The following ENTPD7 variants were observed in gnomAD, a reference collection of about 807,000 sequenced individuals.
The protein encoded by ENTPD7 is NTPDase 7.
ENTPD7 carries 53 observed loss-of-function variants against 77.9 expected under a neutral mutation model. The ratio of observed to expected loss-of-function variants is 0.68; its 90% CI spans 0.55 to 0.85. ENTPD7 has a LOEUF of 0.85. ENTPD7 is among the 40% of genes least tolerant of loss of function. The pLI is 0.00. For synonymous variants in ENTPD7, 248 were observed against 274.9 expected (o/e 0.90, Z 0.97); for missense variants, 636 against 743.7 (o/e 0.86, Z 1.68).
intron 11 of ENTPD7, 24 bp downstream of exon 11, chr10:99,701,082 T>G (rs1385073965): frequency 1.9e-6 from 3 of 1,579,834 alleles, no homozygotes; most frequent in Non-Finnish European, 2.6e-6. Context: ...CTTTCCTCCT[T>G]AGATGTGGAC....
At chr10:99,674,007 A>G (rs897419137) in intron 3 of ENTPD7, among the ~76,000 whole-genome samples, 3 of 124,494 alleles carry the variant, frequency 2.4e-5, no homozygotes, top group Non-Finnish European at 5.4e-5. Flanking sequence ...ATACTGAAAT[A>G]TAAACAGGGA....
At chr10:99,701,390 C>T (rs527929683) in intron 11 of ENTPD7, among the ~76,000 whole-genome samples, 1 of 151,646 alleles carries the variant, frequency 6.6e-6, no homozygotes, top group African/African-American at 2.4e-5. Context: ...TGGGTTCCAG[C>T]GATTCTCCTG....
chr10:99,699,600 T>A (rs2036065469), intron 10 of ENTPD7, among the ~76,000 whole-genome samples: 1 of 152,220 alleles, frequency 6.6e-6, no homozygotes, highest in African/African-American at 2.4e-5. Context: ...GGTCTCGCTC[T>A]GTAGCCCAGG....
At position 99,704,594 on chromosome 10, in the gene ENTPD7, C is replaced by G. The variant is rs1165308056; in HGVS notation, c.1726C>G (p.His576Asp). ...FLYLLRLRRIHHRQTRASAPL... is the reference protein window; with the variant it reads ...FLYLLRLRRIDHRQTRASAPL... ...ATACCTTCTGCGGCTACGCCGAATT[C>G]ACCACCGACAAACACGAGCCTCAGC... The change falls in exon 13 of 13, where the codon CAC becomes GAC. Residue 576 changes from histidine to aspartate, a missense_variant. By Grantham distance (81) the His-to-Asp change is moderately conservative. Coordinates refer to ENST00000370489, the MANE Select transcript of ENTPD7 (RefSeq NM_020354.5). 6.2e-7 allele frequency: 1 copy of G among 1,614,184 alleles called. No individual in the cohort carries two copies. Among genetic ancestry groups the G allele is most frequent in the Admixed American group, 1.7e-5 (1 of 60,028 alleles).
chr10:99,698,523 C>T lies in ENTPD7; in HGVS notation c.1011-11C>T. ...TGTTTGTTTGTTTGTTTGTTTTTGT[C>T]ATTGTGGCAGATTGCTTGGTCAGAA... On this transcript the variant is annotated splice_polypyrimidine_tract_variant and intron_variant, in intron 9 of 12. Transcript: ENST00000370489. 4 of 1,605,936 alleles carry T rather than the reference C, an allele frequency of 2.5e-6. No homozygotes were observed. The highest frequency in any genetic ancestry group is 3.4e-6 in the Non-Finnish European group (4 of 1,175,202).
chr10:99,700,723 T>A lies in ENTPD7; in HGVS notation c.1336-250T>A, dbSNP rs566971878. The stretch of plus-strand genomic sequence containing the variant: ...GTCTTTTGACGTTGCTATTTGTTAG[T>A]CCTAACCTCAGCCCCTCTGAAGCCT... On this transcript the variant is annotated intron_variant, in intron 10 of 12. Coordinates refer to ENST00000370489, the MANE Select transcript of ENTPD7 (RefSeq NM_020354.5). 7.7e-5 allele frequency: 41 copies of A among 531,556 alleles called. No individual in the cohort carries two copies. The East Asian group carries it at 1.0e-3, about 13-fold the overall frequency. The allele number at this position is 531,556 out of a possible 1,614,324, so 32.9% of individuals were successfully genotyped here. A position where few individuals can be genotyped will look rare whatever the true frequency, so the allele number is the denominator to read the frequency against.
intron 6 of ENTPD7, 44 bp from the exon 7 acceptor site, chr10:99,688,650 T>C (rs1212008816): frequency 6.3e-7 from 1 of 1,596,568 alleles, no homozygotes; most frequent in Admixed American, 1.7e-5. Context: ...ATACATGGCA[T>C]AGCAGTAGAG....
intron 7 of ENTPD7, among the ~76,000 whole-genome samples, chr10:99,689,719 T>C (rs2035857018): frequency 6.6e-6 from 1 of 152,238 alleles, no homozygotes; most frequent in Non-Finnish European, 1.5e-5. Flanking sequence ...AACTTAGTAT[T>C]AAAATTCCTT....
At chr10:99,665,256 G>GAA (rs11428277) in intron 3 of ENTPD7, among the ~76,000 whole-genome samples, 402 of 142,128 alleles carry the variant, frequency 2.8e-3, no homozygotes, top group Middle Eastern at 7.2e-3. Context: ...CTGTCTCAAA[G>GAA]AAAAAAAAAA....
At position 99,700,917 on chromosome 10, in the gene ENTPD7, A is replaced by G. The variant is rs536164624; in HGVS notation, c.1336-56A>G. The G allele has an allele frequency of 1.7e-4, 238 of 1,367,932 alleles. No homozygotes were observed. In the East Asian group the frequency reaches 4.9e-3, roughly 28 times the overall value. The allele number at this position is 1,367,932 out of a possible 1,614,324, so 84.7% of individuals were successfully genotyped here. ...AATGGAACAGCTGTGACTGTGGGGA[A>G]GGTAGAGAGTTTGCCTCCAAATTCA... On this transcript the variant is annotated intron_variant, in intron 10 of 12. Coordinates refer to ENST00000370489, the MANE Select transcript of ENTPD7 (RefSeq NM_020354.5).
In ENTPD7 at chr10:99,709,690, C is replaced by G. The variant is rs2036325065; in HGVS notation, c.*5007C>G. ...TTGGGTGTCCCATCTACCCTGTTTTCTGTTTCTGCAGATGGCTTGTTCAAG... is the reference window on the plus strand; with the variant it reads ...TTGGGTGTCCCATCTACCCTGTTTTGTGTTTCTGCAGATGGCTTGTTCAAG... On this transcript the variant is annotated 3_prime_UTR_variant, in exon 13 of 13. Transcript: ENST00000370489. The G allele has an allele frequency of 1.0e-6, 1 of 985,314 alleles. No homozygotes were observed. The highest frequency in any genetic ancestry group is 1.7e-5 in the African/African-American group (1 of 57,232). The allele number at this position is 985,314 out of a possible 1,614,324, so 61.0% of individuals were successfully genotyped here.
chr10:99,698,320 G>A (rs1000416338), intron 9 of ENTPD7, among the ~76,000 whole-genome samples: 2 of 152,082 alleles, frequency 1.3e-5, no homozygotes, highest in African/African-American at 4.8e-5. Flanking sequence ...CTAAAATGTC[G>A]AACAGAATTG....
In ENTPD7 at chr10:99,704,696, A is replaced by T. The variant is rs753179948; in HGVS notation, c.*13A>T. ...GGTGGGGCCGTGAGGCTGGACCAGG[A>T]CTAGAGAAGCTTGAGCACCCCCGAG... is the stretch of plus-strand genomic sequence containing the variant. On this transcript the variant is annotated 3_prime_UTR_variant, in exon 13 of 13. Transcript: ENST00000370489. The T allele has an allele frequency of 1.4e-5, 23 of 1,608,368 alleles. No homozygotes were observed. Among genetic ancestry groups the T allele is most frequent in the Non-Finnish European group, 1.6e-5 (19 of 1,176,920 alleles).
chr10:99,669,383 A>T (rs1256510619), intron 3 of ENTPD7, among the ~76,000 whole-genome samples: 1 of 152,072 alleles, frequency 6.6e-6, no homozygotes, highest in Non-Finnish European at 1.5e-5. Flanking sequence ...TTTTCAGGGG[A>T]TATTAACCAG....
At chr10:99,692,063 G>T (rs2035891668) in intron 8 of ENTPD7, among the ~76,000 whole-genome samples, 2 of 152,116 alleles carry the variant, frequency 1.3e-5, no homozygotes, top group Admixed American at 1.3e-4. Flanking sequence ...CACCCATTAT[G>T]TGCAAGGAAT....
intron 12 of ENTPD7, among the ~76,000 whole-genome samples, chr10:99,703,013 G>T (rs953197055): frequency 6.6e-6 from 1 of 152,098 alleles, no homozygotes; most frequent in Non-Finnish European, 1.5e-5. Flanking sequence ...TGTCATTCTT[G>T]GGTTACCCTG....
intron 9 of ENTPD7, among the ~76,000 whole-genome samples, chr10:99,698,170 T>C (rs1265618001): frequency 3.3e-5 from 5 of 152,124 alleles, no homozygotes; most frequent in Admixed American, 6.5e-5. Context: ...CCCCTACCAG[T>C]TGTATTTTTA....
intron 3 of ENTPD7, among the ~76,000 whole-genome samples, chr10:99,667,358 A>G (rs2035562640): frequency 1.3e-5 from 2 of 152,216 alleles, no homozygotes; most frequent in Non-Finnish European, 2.9e-5. Flanking sequence ...AGATGACTAA[A>G]CATAGCCCCT....
Position 99,709,133 on chromosome 10 carries a change from A to T in ENTPD7, c.*4450A>T. On this transcript the variant is annotated 3_prime_UTR_variant, in exon 13 of 13. Transcript: ENST00000370489. ...ATTTCCTTTACTACAACATCCAAGC[A>T]ATTCATTAGATGACTACAGCCTAGA... 1.0e-6 allele frequency: 1 copy of T among 983,904 alleles called. No homozygotes were observed. The highest frequency in any genetic ancestry group is 1.2e-6 in the Non-Finnish European group (1 of 828,554). The allele number at this position is 983,904 out of a possible 1,614,324, so 60.9% of individuals were successfully genotyped here.
Sources: gnomAD v4.1 joint callset for allele counts (sites outside exome capture counted in the v4.1 genomes callset) on GRCh38, gnomAD v4.1.1 for gene constraint, MANE v1.5 for transcripts, NCBI Gene and HGNC (gene_info 2026-07-23, HGNC 2026-07-21) for gene names.